The following KDM4C variants were observed in gnomAD, a reference collection of about 807,000 sequenced individuals.
KDM4C encodes the protein lysine-specific demethylase 4C.
Under a neutral mutation model 129.3 loss-of-function variants are expected in KDM4C, and 81 were observed. The observed-to-expected ratio is 0.63, with a 90% CI of 0.52 to 0.75. KDM4C has a LOEUF of 0.75. Ranked by LOEUF, KDM4C falls within the 30% of genes least tolerant of loss-of-function variation. KDM4C has a pLI of 0.00. For synonymous variants in KDM4C, 573 were observed against 456.1 expected, an observed-to-expected ratio of 1.26 and a Z score of -3.26; for missense variants, 1,457 against 1,304.0, an observed-to-expected ratio of 1.12 and a Z score of -1.81.
intron 1 of KDM4C, chr9:6,748,841 G>T (rs59833876): frequency 2.6e-6 from 3 of 1,133,312 alleles, no homozygotes; most frequent in Non-Finnish European, 4.0e-6. Flanking sequence ...CAAAACCAAT[G>T]ATACAGCCTT....
chr9:6,773,829 A>G (rs1313193638), intron 1 of KDM4C, among the ~76,000 whole-genome samples: 1 of 151,528 alleles, frequency 6.6e-6, no homozygotes, highest in Admixed American at 6.6e-5. Flanking sequence ...TAATACAGTA[A>G]GATTGGGGGA....
chr9:7,010,033 A>G (rs1822404785), intron 12 of KDM4C, among the ~76,000 whole-genome samples: 1 of 150,858 alleles, frequency 6.6e-6, no homozygotes, highest in Non-Finnish European at 1.5e-5. Flanking sequence ...AAAAAGTTAA[A>G]ATTTGTCACA....
intron 17 of KDM4C, among the ~76,000 whole-genome samples, chr9:7,052,890 A>AGAGAGAGAGAGAGAGAGAGAGAGAGC (rs1564049548): frequency 1.4e-4 from 5 of 36,696 alleles, no homozygotes; most frequent in African/African-American, 3.3e-4. Flanking sequence ...AGAGAGAGAG[A>AGAGAGAGAGAGAGAGAGAGAGAGAGC]GAGAGAGAGA....
intron 8 of KDM4C, among the ~76,000 whole-genome samples, chr9:6,907,938 G>A (rs1191761827): frequency 6.6e-6 from 1 of 152,128 alleles, no homozygotes; most frequent in Admixed American, 6.6e-5. Flanking sequence ...TCTACTCAAA[G>A]ATTCATAGAC....
At chr9:7,160,817 T>C (rs936149870) in intron 19 of KDM4C, among the ~76,000 whole-genome samples, 5 of 152,162 alleles carry the variant, frequency 3.3e-5, no homozygotes, top group African/African-American at 1.2e-4. Flanking sequence ...AGTGTGCCCT[T>C]CCTCAGAGAT....
intron 11 of KDM4C, among the ~76,000 whole-genome samples, chr9:6,988,422 A>G (rs2131888130): frequency 6.6e-6 from 1 of 152,186 alleles, no homozygotes; most frequent in South Asian, 2.1e-4. Flanking sequence ...CTGACAGTAG[A>G]GAAACCAACA....
intron 11 of KDM4C, among the ~76,000 whole-genome samples, chr9:6,989,670 C>G (rs879169244): frequency 7.0e-6 from 1 of 143,746 alleles, no homozygotes; most frequent in Admixed American, 6.9e-5. Context: ...ATTGTCTTCT[C>G]TGTGAGGATA....
chr9:7,100,582 C>T (rs1836962514), intron 17 of KDM4C, among the ~76,000 whole-genome samples: 1 of 152,098 alleles, frequency 6.6e-6, no homozygotes, highest in Non-Finnish European at 1.5e-5. Flanking sequence ...TCAGGTGATC[C>T]ACCTGCCTCA....
intron 8 of KDM4C, among the ~76,000 whole-genome samples, chr9:6,924,127 T>A (rs916865714): frequency 6.6e-6 from 1 of 152,176 alleles, no homozygotes; most frequent in African/African-American, 2.4e-5. Context: ...TTTCTTTTTT[T>A]AAAAAAAGTT....
chr9:6,853,373 C>T (rs1476744711), intron 5 of KDM4C, among the ~76,000 whole-genome samples: 1 of 151,940 alleles, frequency 6.6e-6, no homozygotes, highest in Non-Finnish European at 1.5e-5. Flanking sequence ...ACGCCTGTAG[C>T]CCCAGCTGAT....
At chr9:6,917,919 C>T (rs894957091) in intron 8 of KDM4C, among the ~76,000 whole-genome samples, 19 of 152,192 alleles carry the variant, frequency 1.2e-4, no homozygotes, top group African/African-American at 4.3e-4. Context: ...CTCAATTCTT[C>T]ATTCACTGCA....
upstream of KDM4C, among the ~76,000 whole-genome samples, chr9:6,756,543 C>G (rs373148206): frequency 3.3e-5 from 5 of 152,342 alleles, no homozygotes; most frequent in African/African-American, 9.6e-5. Context: ...ATGGCGAAAC[C>G]CTGTCTCTAC....
At chr9:6,974,648 G>T (rs777961162) in intron 8 of KDM4C, 6 of 152,098 alleles carry the variant, frequency 3.9e-5, no homozygotes, top group Non-Finnish European at 8.8e-5. Flanking sequence ...GTGACCCACC[G>T]CACCCTGCCT....
At chr9:6,904,339 T>A (rs1307674065) in intron 8 of KDM4C, among the ~76,000 whole-genome samples, 1 of 152,174 alleles carries the variant, frequency 6.6e-6, no homozygotes, top group African/African-American at 2.4e-5. Context: ...TTCTGGGTTA[T>A]AGATACTTAC....
intron 4 of KDM4C, among the ~76,000 whole-genome samples, chr9:6,847,051 A>G (rs917260160): frequency 2.0e-5 from 3 of 152,156 alleles, no homozygotes; most frequent in Non-Finnish European, 4.4e-5. Flanking sequence ...CCATGGGTCT[A>G]GGATGTCAAG....
At chr9:7,041,249 T>G (rs1564028217) in intron 15 of KDM4C, among the ~76,000 whole-genome samples, 1 of 152,018 alleles carries the variant, frequency 6.6e-6, no homozygotes, top group Non-Finnish European at 1.5e-5. Flanking sequence ...TTACATATCT[T>G]TTACATTGTA....
intron 10 of KDM4C, among the ~76,000 whole-genome samples, chr9:6,985,060 C>A (rs1586707790): frequency 1.3e-5 from 2 of 152,216 alleles, no homozygotes; most frequent in African/African-American, 4.8e-5. Context: ...TCATGGGATT[C>A]CCCCCTCCGC....
chr9:6,925,710 T>A, intron 8 of KDM4C: 2 of 854,802 alleles, frequency 2.3e-6, no homozygotes, highest in Non-Finnish European at 2.8e-6. Context: ...TTTCTTTCTT[T>A]TTTTCATTAG....
chr9:6,931,437 T>C (rs376128532), intron 8 of KDM4C, among the ~76,000 whole-genome samples: 1 of 152,224 alleles, frequency 6.6e-6, no homozygotes, highest in South Asian at 2.1e-4. Context: ...TAAACACGCA[T>C]GCATGAAAAT....
Sources: allele counts gnomAD v4.1 joint callset (sites outside exome capture counted in the v4.1 genomes callset), GRCh38; gene constraint gnomAD v4.1.1; transcripts MANE v1.5; gene names NCBI Gene and HGNC (gene_info 2026-07-23, HGNC 2026-07-21).